NEK3: variants seen among roughly 807,000 people sequenced by gnomAD.
NEK3 encodes serine/threonine-protein kinase Nek3.
Under a neutral mutation model 66.0 loss-of-function variants are expected in NEK3, and 54 were observed. That is an observed-to-expected ratio of 0.82 (90% confidence interval 0.66 to 1.03). NEK3 has a LOEUF of 1.03. Ranked by LOEUF, NEK3 falls within the 50% of genes least tolerant of loss-of-function variation. The pLI is 0.00. For missense variants in NEK3, 593 were observed against 603.0 expected (o/e 0.98, Z 0.17); for synonymous variants, 200 against 206.2 (o/e 0.97, Z 0.26).
chr13:52,136,706 G>T, intron 12 of NEK3, 94 bp downstream of exon 12: 5 of 657,162 alleles, frequency 7.6e-6, no homozygotes, highest in Non-Finnish European at 1.2e-5. Context: ...ATATCAGCTT[G>T]TACTCTTGTT....
intron 5 of NEK3, among the ~76,000 whole-genome samples, chr13:52,152,037 A>G (rs764332640): frequency 6.6e-5 from 10 of 152,212 alleles, no homozygotes; most frequent in Non-Finnish European, 1.2e-4. Context: ...CTCACACAAC[A>G]AAATCACCTT....
chr13:52,154,344 T>C (rs1956373656), intron 2 of NEK3, among the ~76,000 whole-genome samples, 171 bp from the exon 3 acceptor site: 1 of 152,194 alleles, frequency 6.6e-6, no homozygotes, highest in Admixed American at 6.5e-5. Context: ...ATTTTTCAAC[T>C]CTGGCTATAT....
chr13:52,154,678 G>A (rs1380854605), intron 2 of NEK3, among the ~76,000 whole-genome samples: 2 of 151,648 alleles, frequency 1.3e-5, no homozygotes, highest in Non-Finnish European at 2.9e-5. Context: ...AAGATGGCAA[G>A]CAAAGTAAGT....
chr13:52,154,308 C>A, intron 2 of NEK3, 135 bp from the exon 3 acceptor site: 1 of 549,152 alleles, frequency 1.8e-6, no homozygotes, highest in Non-Finnish European at 3.1e-6. Context: ...TTAAGTTTGT[C>A]AAATGACAAG....
At chr13:52,144,111 C>T (rs988212602) in intron 9 of NEK3, 124 bp from the exon 10 acceptor site, 1 of 625,870 alleles carries the variant, frequency 1.6e-6, no homozygotes, top group Non-Finnish European at 2.7e-6. Flanking sequence ...AACAAAAGTA[C>T]CACTTTAAAA....
intron 2 of NEK3, among the ~76,000 whole-genome samples, 155 bp downstream of exon 2, chr13:52,155,920 C>CTGGT (rs1956391431): frequency 6.6e-6 from 1 of 152,030 alleles, no homozygotes; most frequent in African/African-American, 2.4e-5. Context: ...TGACCTCAGG[C>CTGGT]CGGTCTCAAA....
At chr13:52,133,311 C>T (rs916016091) in intron 15 of NEK3, 85 bp from the exon 16 acceptor site, 3 of 1,109,440 alleles carry the variant, frequency 2.7e-6, no homozygotes, top group Non-Finnish European at 4.0e-6. Context: ...ACCACCATAA[C>T]AATACTTAAG....
At chr13:52,135,118 A>G (rs917493022) in intron 14 of NEK3, among the ~76,000 whole-genome samples, 3 of 152,194 alleles carry the variant, frequency 2.0e-5, no homozygotes, top group African/African-American at 7.2e-5. Context: ...ACACATATAC[A>G]TATCTAATAC....
At chr13:52,144,076 A>C in intron 9 of NEK3, 89 bp from the exon 10 acceptor site, 1 of 739,986 alleles carries the variant, frequency 1.4e-6, no homozygotes, top group Non-Finnish European at 2.2e-6. Context: ...AGCATTCTTT[A>C]GCACAATAAT....
At chr13:52,151,004 T>G (rs1468335142) in intron 7 of NEK3, 142 bp downstream of exon 7, 2 of 659,168 alleles carry the variant, frequency 3.0e-6, no homozygotes, top group Non-Finnish European at 5.3e-6. Context: ...ATTCCAGATA[T>G]ATTTCTGCTT....
In NEK3 at chr13:52,148,504, G is replaced by A. The variant is rs571289325; in HGVS notation, c.549-35C>T. 6.6e-5 allele frequency: 105 copies of A among 1,589,174 alleles called. 1 individual carries two copies. Among genetic ancestry groups the A allele is most frequent in the South Asian group, 4.0e-4 (36 of 89,742 alleles). On this transcript the variant is annotated intron_variant, in intron 7 of 15. Coordinates refer to ENST00000610828, the MANE Select transcript of NEK3 (RefSeq NM_002498.3). ...TAAAGAAGCAATGTAATCACAAGCA[G>A]GTTACGTATTTTCTAGTACAAAAAA... is the stretch of plus-strand genomic sequence containing the variant.
chr13:52,135,295 A>C (rs1274846158), intron 14 of NEK3, among the ~76,000 whole-genome samples: 1 of 152,188 alleles, frequency 6.6e-6, no homozygotes, highest in Non-Finnish European at 1.5e-5. Context: ...GAAATCTTGG[A>C]GTTGTTGCTA....
chr13:52,133,850 AAACAG>A, intron 14 of NEK3, 35 bp from the exon 15 acceptor site: 17 of 1,569,934 alleles, frequency 1.1e-5, no homozygotes, highest in Non-Finnish European at 1.5e-5. Flanking sequence ...ATACCAATTT[AAACAG>A]TATTTACTTA....
chr13:52,138,782 T>C (rs1956225353), intron 11 of NEK3, among the ~76,000 whole-genome samples: 1 of 151,920 alleles, frequency 6.6e-6, no homozygotes, highest in African/African-American at 2.4e-5. Flanking sequence ...AGTTAAAAAA[T>C]TATCCGGGCA....
chr13:52,136,759 A>G (rs1198398273), intron 12 of NEK3, 41 bp downstream of exon 12: 1 of 1,342,900 alleles, frequency 7.4e-7, no homozygotes, highest in Non-Finnish European at 1.0e-6. Context: ...GGTATTCCCC[A>G]ACTCCTCACC....
intron 8 of NEK3, among the ~76,000 whole-genome samples, chr13:52,147,758 G>A (rs1036514538): frequency 6.6e-6 from 1 of 152,044 alleles, no homozygotes; most frequent in Non-Finnish European, 1.5e-5. Flanking sequence ...GATCACCTGA[G>A]GTCAGGAGTT....
chr13:52,133,390 CTTT>C (rs1415038488), intron 15 of NEK3, among the ~76,000 whole-genome samples, 164 bp from the exon 16 acceptor site: 2 of 152,138 alleles, frequency 1.3e-5, no homozygotes, highest in Non-Finnish European at 2.9e-5. Context: ...AAGATCACTT[CTTT>C]GACTGTTTCT....
At chr13:52,133,937 T>A in intron 14 of NEK3, 122 bp from the exon 15 acceptor site, 1 of 975,636 alleles carries the variant, frequency 1.0e-6, no homozygotes. Flanking sequence ...ATAACTCTTT[T>A]GTAGTGTCTC....
chr13:52,154,039 C>A (rs766989789), intron 3 of NEK3, 41 bp downstream of exon 3: 1 of 1,602,890 alleles, frequency 6.2e-7, no homozygotes, highest in Non-Finnish European at 8.5e-7. Context: ...GGCTATAAAT[C>A]AAATTCAGAA....
Sources: allele counts gnomAD v4.1 joint callset (sites outside exome capture counted in the v4.1 genomes callset), GRCh38; gene constraint gnomAD v4.1.1; transcripts MANE v1.5; gene names NCBI Gene and HGNC (gene_info 2026-07-23, HGNC 2026-07-21).